Variants in CNOT6L observed in about 807,000 individuals in gnomAD.
The protein encoded by CNOT6L is CCR4-NOT transcription complex subunit 6 like, also known as CCR4-NOT transcription complex subunit 6-like.
Under a neutral mutation model 64.0 loss-of-function variants are expected in CNOT6L, and 7 were observed. The ratio of observed to expected loss-of-function variants is 0.11; its 90% CI spans 0.06 to 0.21. CNOT6L has a LOEUF of 0.21. Ranked by LOEUF, CNOT6L falls within the 10% of genes least tolerant of loss-of-function variation. CNOT6L has a pLI of 1.00. For missense variants in CNOT6L, 245 were observed against 669.0 expected, an observed-to-expected ratio of 0.37 and a Z score of 6.99; for synonymous variants, 193 against 243.4, an observed-to-expected ratio of 0.79 and a Z score of 1.93.
Position 77,726,339 on chromosome 4 carries a change from A to T in CNOT6L, c.1283T>A (p.Val428Glu), listed in dbSNP as rs1721846357. 2 of 1,613,318 alleles carry T rather than the reference A, an allele frequency of 1.2e-6. No individual in the cohort carries two copies. ...CTTGAAGTCTTTATGGTTGTCAGCTACTCCTCCATTGCTTAAGTATTCCAC... is the reference window on the plus strand; with the variant it reads ...CTTGAAGTCTTTATGGTTGTCAGCTTCTCCTCCATTGCTTAAGTATTCCAC... ...GVVEYLSNGG[V>E]ADNHKDFKEL... is the part of the protein sequence containing the mutation. The change falls in exon 11 of 12, where the codon GTA becomes GAA. Residue 428 changes from valine to glutamate, a missense_variant. This residue lies in a region of CNOT6L where 20 missense variants were observed against 38.3 expected (regional missense o/e 0.52). Transcript: ENST00000504123.
chr4:77,759,225 CAG>C (rs1421740146), intron 4 of CNOT6L, among the ~76,000 whole-genome samples: 5 of 151,774 alleles, frequency 3.3e-5, no homozygotes, highest in Admixed American at 3.3e-4. Context: ...CATTTAAAAA[CAG>C]ATTATAGTGC....
intron 5 of CNOT6L, among the ~76,000 whole-genome samples, chr4:77,755,450 C>T (rs1577951917): frequency 6.6e-6 from 1 of 151,862 alleles, no homozygotes; most frequent in Non-Finnish European, 1.5e-5. Context: ...CTCTTGACCT[C>T]GTGATCTCCC....
intron 5 of CNOT6L, among the ~76,000 whole-genome samples, chr4:77,754,887 G>GAAA (rs1725286474): frequency 8.1e-5 from 1 of 12,300 alleles, no homozygotes; most frequent in African/African-American, 2.7e-4. Context: ...AACATTAGAA[G>GAAA]TAAAAAAAAA....
At chr4:77,819,140 A>C in intron 1 of CNOT6L, 164 bp downstream of exon 1, 2 of 1,334,798 alleles carry the variant, frequency 1.5e-6, no homozygotes, top group South Asian at 1.2e-5. Flanking sequence ...CAGTCACCCG[A>C]CACACACCCA....
chr4:77,767,765 G>T (rs1179158621), intron 4 of CNOT6L, among the ~76,000 whole-genome samples: 1 of 151,850 alleles, frequency 6.6e-6, no homozygotes, highest in African/African-American at 2.4e-5. Context: ...GATCACCTAA[G>T]GTCAGGAGTT....
intron 1 of CNOT6L, among the ~76,000 whole-genome samples, chr4:77,812,727 A>C (rs1318921335): frequency 1.3e-5 from 2 of 152,138 alleles, no homozygotes; most frequent in African/African-American, 4.8e-5. Flanking sequence ...GGAAGCCCTA[A>C]TATTCAGATG....
intron 5 of CNOT6L, among the ~76,000 whole-genome samples, chr4:77,750,011 TATAGTTTAAAAAG>T (rs1724679816): frequency 6.6e-6 from 1 of 152,246 alleles, no homozygotes; most frequent in African/African-American, 2.4e-5. Context: ...AAGTCTATGC[TATAGTTTAAAAAG>T]ATAAATATGT....
intron 4 of CNOT6L, 26 bp downstream of exon 4, chr4:77,773,055 C>G (rs1219425990): frequency 6.6e-7 from 1 of 1,515,594 alleles, no homozygotes; most frequent in Non-Finnish European, 9.0e-7. Context: ...CTCAGAATAC[C>G]TCAAAACTGT....
At chr4:77,785,724 A>C (rs1729359460) in intron 1 of CNOT6L, among the ~76,000 whole-genome samples, 1 of 152,202 alleles carries the variant, frequency 6.6e-6, no homozygotes. Context: ...AGAAGGATTA[A>C]ATTTAATAAA....
chr4:77,768,479 ATATATATATAT>A (rs1727134183), intron 4 of CNOT6L, among the ~76,000 whole-genome samples: 2 of 3,780 alleles, frequency 5.3e-4, no homozygotes, highest in Non-Finnish European at 1.8e-3. Context: ...AAATAAATAT[ATATATATATAT>A]ATATATATAT....
At chr4:77,782,019 A>G (rs1728911628) in intron 1 of CNOT6L, among the ~76,000 whole-genome samples, 1 of 152,198 alleles carries the variant, frequency 6.6e-6, no homozygotes, top group South Asian at 2.1e-4. Flanking sequence ...CTAAAATTGA[A>G]AAAACACAAA....
intron 1 of CNOT6L, among the ~76,000 whole-genome samples, chr4:77,813,714 G>C (rs539194310): frequency 1.8e-4 from 27 of 152,242 alleles, no homozygotes; most frequent in Non-Finnish European, 2.9e-4. Context: ...AATCACACCT[G>C]CTAGAAGAAC....
At chr4:77,729,662 C>T (rs959732444) in intron 9 of CNOT6L, among the ~76,000 whole-genome samples, 2 of 152,034 alleles carry the variant, frequency 1.3e-5, no homozygotes, top group South Asian at 4.1e-4. Context: ...ACTTGGCTTT[C>T]TTACTAATTA....
At chr4:77,760,230 A>T (rs190824777) in intron 4 of CNOT6L, among the ~76,000 whole-genome samples, 3 of 152,070 alleles carry the variant, frequency 2.0e-5, no homozygotes, top group African/African-American at 7.2e-5. Context: ...AAATTATTTA[A>T]CTGGGCATGG....
rs77036073 is a variant in CNOT6L, at chr4:77,716,148, G to C, written c.*4283C>G. ...TAAAGGGTAGGGCAGGTGGGAAAAAGAATATCTCATCAATGTGAGAATTCA... is the reference window on the plus strand; with the variant it reads ...TAAAGGGTAGGGCAGGTGGGAAAAACAATATCTCATCAATGTGAGAATTCA... On this transcript the variant is annotated 3_prime_UTR_variant, in exon 12 of 12. Transcript: ENST00000504123. The C allele has an allele frequency of 1.1e-4, 1 of 8,922 alleles. No homozygotes were observed. Among genetic ancestry groups the C allele is most frequent in the Non-Finnish European group, 6.5e-4 (1 of 1,534 alleles). The allele number at this position is 8,922 out of a possible 1,614,324, so 0.6% of individuals were successfully genotyped here. A position where few individuals can be genotyped will look rare whatever the true frequency, so the allele number is the denominator to read the frequency against.
intron 6 of CNOT6L, among the ~76,000 whole-genome samples, chr4:77,745,078 A>T (rs1724043307): frequency 1.3e-5 from 2 of 152,230 alleles, no homozygotes; most frequent in African/African-American, 4.8e-5. Context: ...TTAAGTCTAG[A>T]ATTAGACTAA....
chr4:77,765,234 G>GA (rs758447466), intron 4 of CNOT6L, among the ~76,000 whole-genome samples: 3 of 152,150 alleles, frequency 2.0e-5, no homozygotes, highest in South Asian at 2.1e-4. Context: ...GGGGAGGCAT[G>GA]AAAAAATCAC....
intron 8 of CNOT6L, among the ~76,000 whole-genome samples, chr4:77,741,860 T>C (rs1723629701): frequency 6.6e-6 from 1 of 152,154 alleles, no homozygotes; most frequent in African/African-American, 2.4e-5. Flanking sequence ...AACTAATACT[T>C]TACTTCATGA....
intron 1 of CNOT6L, among the ~76,000 whole-genome samples, chr4:77,809,707 T>C (rs536074254): frequency 4.1e-4 from 62 of 152,288 alleles, no homozygotes; most frequent in Non-Finnish European, 5.7e-4. Context: ...AATTTAGTTC[T>C]ATTCTTTTAG....
Sources: gnomAD v4.1 joint callset for allele counts (sites outside exome capture counted in the v4.1 genomes callset) on GRCh38, gnomAD v4.1.1 for gene constraint, gnomAD v4.1.1 regional missense constraint, MANE v1.5 for transcripts, NCBI Gene and HGNC (gene_info 2026-07-23, HGNC 2026-07-21) for gene names.